The following SLC30A5 variants were observed in gnomAD, a reference collection of about 807,000 sequenced individuals.
The protein encoded by SLC30A5 is proton-coupled zinc antiporter SLC30A5.
In SLC30A5, 33 loss-of-function variants were observed where a neutral mutation model predicts 79.6. That is an observed-to-expected ratio of 0.41 (90% CI 0.31 to 0.55). The LOEUF is 0.55. Among genes scored for constraint, SLC30A5 ranks in the 20% least tolerant of loss-of-function variants. SLC30A5 has a pLI of 0.20. For missense variants in SLC30A5, 788 were observed against 928.1 expected (o/e 0.85, Z 1.96); for synonymous variants, 299 against 319.7 (o/e 0.94, Z 0.69).
In SLC30A5 at chr5:69,115,908, CT is replaced by C; in HGVS notation, c.784-10del. On this transcript the variant is annotated splice_polypyrimidine_tract_variant and intron_variant, in intron 8 of 15. Transcript: ENST00000396591. ...TTATACATGTATAGTCTTGACAATT[CT>C]TTTTTTTAATTTCTAGAGTAAAGTG... is the stretch of plus-strand genomic sequence containing the variant. 22 of 1,578,830 alleles carry C rather than the reference CT, an allele frequency of 1.4e-5. No individual in the cohort carries two copies. The highest frequency in any genetic ancestry group is 1.8e-5 in the Admixed American group (1 of 54,458).
intron 11 of SLC30A5, 192 bp from the exon 12 acceptor site, chr5:69,118,307 A>ATGTGTGTGTATATATATATATATATATG (rs1297345302): frequency 7.8e-6 from 1 of 127,576 alleles, no homozygotes; most frequent in African/African-American, 3.2e-5. Context: ...GTGTATATAT[A>ATGTGTGTGTATATATATATATATATATG]TGTGTATATA....
chr5:69,115,534 T>C, intron 8 of SLC30A5, 127 bp downstream of exon 8: 1 of 768,888 alleles, frequency 1.3e-6, no homozygotes. Context: ...AAATTGTCTT[T>C]GCTTTTTCTT....
At chr5:69,120,592 GAGA>G (rs956420177) in intron 12 of SLC30A5, among the ~76,000 whole-genome samples, 16 of 152,074 alleles carry the variant, frequency 1.1e-4, no homozygotes, top group African/African-American at 3.9e-4. Context: ...TTCAGTAGGG[GAGA>G]AGGAGTACTT....
In SLC30A5 at chr5:69,123,413, T is replaced by C; in HGVS notation, c.1986T>C (p.Ile662=). ...LPPEYEKELH[I]ALEKIQKIEG... is the part of the protein sequence containing the mutation. ...CAGAATATGAAAAAGAACTACATAT[T>C]GCTTTAGAAAAGGTACTGTATGTAA... Residue 662 remains isoleucine (I), a synonymous_variant, in exon 14 of 16, where the codon ATT becomes ATC. Coordinates refer to ENST00000396591, the MANE Select transcript of SLC30A5 (RefSeq NM_022902.5). The C allele has an allele frequency of 6.2e-7, 1 of 1,612,498 alleles. No homozygotes were observed. Among genetic ancestry groups the C allele is most frequent in the Non-Finnish European group, 8.5e-7 (1 of 1,178,690 alleles).
At chr5:69,120,647 CAA>C (rs917576088) in intron 12 of SLC30A5, among the ~76,000 whole-genome samples, 1 of 152,030 alleles carries the variant, frequency 6.6e-6, no homozygotes, top group East Asian at 1.9e-4. Flanking sequence ...TGGTTTCATT[CAA>C]AGTCATTAAC....
At chr5:69,097,018 A>AC (rs1177366159) in intron 1 of SLC30A5, among the ~76,000 whole-genome samples, 7 of 151,506 alleles carry the variant, frequency 4.6e-5, no homozygotes, top group African/African-American at 1.7e-4. Context: ...AACAACAACA[A>AC]AAAAAAAGTA....
At chr5:69,105,913 T>C (rs1045323686) in intron 4 of SLC30A5, among the ~76,000 whole-genome samples, 3 of 152,208 alleles carry the variant, frequency 2.0e-5, no homozygotes. Flanking sequence ...TAATGTCTGA[T>C]GATCTGAGGT....
chr5:69,097,756 C>T (rs1244540855), intron 1 of SLC30A5, among the ~76,000 whole-genome samples: 1 of 152,084 alleles, frequency 6.6e-6, no homozygotes, highest in East Asian at 1.9e-4. Context: ...CCAGGTTGAT[C>T]TCGAACTTCT....
intron 5 of SLC30A5, 116 bp from the exon 6 acceptor site, chr5:69,113,024 T>C (rs754201299): frequency 1.3e-6 from 1 of 765,950 alleles, no homozygotes. Context: ...TGTTTTTTAA[T>C]GCATTTTTGT....
intron 5 of SLC30A5, among the ~76,000 whole-genome samples, chr5:69,109,786 C>A (rs1746182811): frequency 6.6e-6 from 1 of 152,092 alleles, no homozygotes; most frequent in Non-Finnish European, 1.5e-5. Context: ...TTCTGTTTTA[C>A]CAAATTAAAC....
intron 11 of SLC30A5, among the ~76,000 whole-genome samples, chr5:69,118,149 C>G (rs2111982112): frequency 6.8e-6 from 1 of 146,314 alleles, no homozygotes; most frequent in African/African-American, 2.5e-5. Flanking sequence ...TGCACTCCAG[C>G]CTGGGTGACA....
At chr5:69,121,083 TTGAGCCCAGGAGTTTGAGGACAGCCTGGG>T (rs1746522281) in intron 12 of SLC30A5, among the ~76,000 whole-genome samples, 1 of 152,170 alleles carries the variant, frequency 6.6e-6, no homozygotes, top group Non-Finnish European at 1.5e-5. Context: ...AGAAGATCGC[TTGAGCCCAGGAGTTTGAGGACAGCCTGGG>T]CAACATAGAC....
rs565675761 is a variant in SLC30A5 at position 69,115,175 on chromosome 5, T to G, written c.613-62T>G. On this transcript the variant is annotated intron_variant, in intron 7 of 15. Coordinates refer to ENST00000396591, the MANE Select transcript of SLC30A5 (RefSeq NM_022902.5). The stretch of plus-strand genomic sequence containing the variant: ...AAAAAAAAAAAAAAAAGATCATGTA[T>G]TTAACGACTGACTGTTGAACTGTGT... 395 of 971,134 alleles carry G rather than the reference T, an allele frequency of 4.1e-4. 2 individuals are homozygous for G. The highest frequency in any genetic ancestry group is 2.3e-3 in the South Asian group (129 of 57,092). 60.2% of individuals were successfully genotyped at this position (971,134 alleles called of 1,614,324 possible). A position where few individuals can be genotyped will look rare whatever the true frequency, so the allele number is the denominator to read the frequency against.
At chr5:69,108,845 C>T (rs750167082) in intron 5 of SLC30A5, among the ~76,000 whole-genome samples, 23 of 147,468 alleles carry the variant, frequency 1.6e-4, no homozygotes, top group Non-Finnish European at 2.7e-4. Context: ...AAAAAAAATT[C>T]CAGGGGCTTT....
At position 69,100,937 on chromosome 5, in the gene SLC30A5, T is replaced by TA. The variant is rs747622446; in HGVS notation, c.206+8_206+9insA. Reference sequence around the variant, plus strand: ...TTTTATATTAAAACTTGGGTGAGTGTGGGGGGGGGTTTTTTCTTGATATTT... The same window carrying TA: ...TTTTATATTAAAACTTGGGTGAGTGTAGGGGGGGGGTTTTTTCTTGATATTT... On this transcript the variant is annotated intron_variant, in intron 2 of 15. Coordinates refer to ENST00000396591, the MANE Select transcript of SLC30A5 (RefSeq NM_022902.5). 1.4e-6 allele frequency: 2 copies of TA among 1,414,886 alleles called. No individual in the cohort carries two copies. Among genetic ancestry groups the TA allele is most frequent in the South Asian group, 1.4e-5 (1 of 72,708 alleles). The allele number at this position is 1,414,886 out of a possible 1,614,324, so 87.6% of individuals were successfully genotyped here.
chr5:69,122,016 T>A, intron 13 of SLC30A5, 121 bp downstream of exon 13: 1 of 703,612 alleles, frequency 1.4e-6, no homozygotes, highest in Non-Finnish European at 2.4e-6. Flanking sequence ...AATCTGTGAC[T>A]AAAAGAAAGG....
At chr5:69,113,369 C>A (rs567862303) in intron 6 of SLC30A5, 142 bp downstream of exon 6, 2 of 571,594 alleles carry the variant, frequency 3.5e-6, no homozygotes, top group Middle Eastern at 4.5e-4. Flanking sequence ...TATTCTAAAT[C>A]AGTATTCAAA....
intron 14 of SLC30A5, among the ~76,000 whole-genome samples, chr5:69,127,038 C>A (rs1291348845): frequency 6.6e-6 from 1 of 151,982 alleles, no homozygotes; most frequent in Non-Finnish European, 1.5e-5. Context: ...TATAAATTTT[C>A]TCCCCACTTA....
At chr5:69,097,106 TTTC>T (rs1386029773) in intron 1 of SLC30A5, among the ~76,000 whole-genome samples, 40 of 132,002 alleles carry the variant, frequency 3.0e-4, no homozygotes, top group African/African-American at 1.2e-3. Flanking sequence ...TTCCTCTCTT[TTTC>T]TTTTTTTTTT....
Sources: gnomAD v4.1 joint callset for allele counts (sites outside exome capture counted in the v4.1 genomes callset) on GRCh38, gnomAD v4.1.1 for gene constraint, MANE v1.5 for transcripts, NCBI Gene and HGNC (gene_info 2026-07-23, HGNC 2026-07-21) for gene names.